NOS3: variants seen among roughly 807,000 people sequenced by gnomAD.
NOS3 encodes NOS type III.
A neutral mutation model predicts 144.9 loss-of-function variants in NOS3; 98 were observed. That is an observed-to-expected ratio of 0.68 (90% CI 0.57 to 0.80). The LOEUF (loss-of-function observed/expected upper bound fraction) is 0.80, where lower values mean the gene tolerates loss of function less well. Ranked by LOEUF, NOS3 falls within the 30% of genes least tolerant of loss-of-function variation. The probability of loss-of-function intolerance (pLI) is 0.00; values close to 1 mark genes in which losing one functional copy is unlikely to be tolerated. For missense variants in NOS3, 1,465 were observed against 1,656.4 expected (o/e 0.88, Z 2.01); for synonymous variants, 714 against 702.4 (o/e 1.02, Z -0.26).
At chr7:151,012,559 G>C (rs1428936124) in intron 24 of NOS3, 87 bp downstream of exon 24, 8 of 1,466,360 alleles carry the variant, frequency 5.5e-6, no homozygotes, top group Non-Finnish European at 7.4e-6. Flanking sequence ...AAATAGGAAA[G>C]AGAGGGCAGG....
chr7:151,009,449 G>A lies in NOS3; in HGVS notation c.2376G>A (p.Gln792=), dbSNP rs778628200. The change falls in exon 20 of 27, where the codon CAG becomes CAA. Residue 792 remains glutamine (Q), a synonymous_variant. Transcript: ENST00000297494. ...ACACCGGAGGCCAGGAGGGGCTGCAGTACCAGCCGGGGGACCACATAGGTG... is the reference window on the plus strand; with the variant it reads ...ACACCGGAGGCCAGGAGGGGCTGCAATACCAGCCGGGGGACCACATAGGTG... ...RLDTGGQEGL[Q]YQPGDHIGVC... is the part of the protein sequence containing the mutation. 1 of 1,548,704 alleles carries A rather than the reference G, an allele frequency of 6.5e-7. No individual in the cohort carries two copies. Among genetic ancestry groups the A allele is most frequent in the African/African-American group, 1.4e-5 (1 of 73,042 alleles).
rs1440237999 is a variant in NOS3 at position 151,001,443 on chromosome 7, C to T, written c.1428+18C>T. The T allele has an allele frequency of 1.9e-6, 3 of 1,587,694 alleles. No individual in the cohort carries two copies. The highest frequency in any genetic ancestry group is 4.5e-5 in the East Asian group (2 of 44,516). On this transcript the variant is annotated intron_variant, in intron 11 of 26. Coordinates refer to ENST00000297494, the MANE Select transcript of NOS3 (RefSeq NM_000603.5). ...GCTACCAGGTGCCCACCCTAACTGG[C>T]TCTGCCAGCCTGGGCCCAGCTCTAA...
rs1220917769 is a variant in NOS3 at position 150,993,981 on chromosome 7, G to A, written c.158+20G>A. 3.9e-6 allele frequency: 6 copies of A among 1,545,604 alleles called. No homozygotes were observed. Among genetic ancestry groups the A allele is most frequent in the Non-Finnish European group, 5.2e-6 (6 of 1,149,688 alleles). On this transcript the variant is annotated intron_variant, in intron 2 of 26. Transcript: ENST00000297494. This position sits in a 1 kb window ranked among gnomAD's most constrained non-coding sequence, Gnocchi z 4.0. ...ACACAGGTAAGGGCCAGGCAGCTAG[G>A]AGCAGGTGGGCAACAAGGGTGGTGT...
chr7:151,004,210 G>A lies in NOS3; in HGVS notation c.1752+1906G>A, dbSNP rs3918179. On this transcript the variant is annotated intron_variant, in intron 14 of 26. Transcript: ENST00000297494. ...AAATTAGCTGGGCATGGTGGCGCACGCCTATAGTCCTAGCTACTCAGGAGG... is the reference window on the plus strand; with the variant it reads ...AAATTAGCTGGGCATGGTGGCGCACACCTATAGTCCTAGCTACTCAGGAGG... 9.7e-3 allele frequency among the ~76,000 whole-genome samples: 1,482 copies of A among 152,246 alleles called. 20 individuals carry two copies. The highest frequency in any genetic ancestry group is 0.034 in the African/African-American group (1,406 of 41,532).
At chr7:151,013,191 C>G in intron 24 of NOS3, 40 bp from the exon 25 acceptor site, 1 of 1,589,524 alleles carries the variant, frequency 6.3e-7, no homozygotes. Flanking sequence ...TAGCACTGTG[C>G]CCCGGAGAAG....
intron 23 of NOS3, among the ~76,000 whole-genome samples, 165 bp downstream of exon 23, chr7:151,011,151 C>T (rs1201482108): frequency 6.6e-6 from 1 of 152,130 alleles, no homozygotes; most frequent in Non-Finnish European, 1.5e-5. Flanking sequence ...TAAGCTTTGG[C>T]TCTCTCATTC....
At position 151,013,395 on chromosome 7, in the gene NOS3, G is replaced by A; in HGVS notation, c.3255+16G>A. The A allele has an allele frequency of 4.4e-6, 7 of 1,605,026 alleles. No individual in the cohort carries two copies. Among genetic ancestry groups the A allele is most frequent in the Non-Finnish European group, 4.3e-6 (5 of 1,174,056 alleles). On this transcript the variant is annotated intron_variant, in intron 25 of 26. Coordinates refer to ENST00000297494, the MANE Select transcript of NOS3 (RefSeq NM_000603.5). ...CAACCCCAAGGTGTGAGACCCTGAG[G>A]GCGCAATGGTAACCTGAAGATAGGG...
chr7:151,013,559 C>A, intron 25 of NOS3, 165 bp from the exon 26 acceptor site: 1 of 1,010,446 alleles, frequency 9.9e-7, no homozygotes, highest in Non-Finnish European at 1.4e-6. Flanking sequence ...TCCTCCCGCC[C>A]CTGCCCCGCC....
intron 20 of NOS3, 89 bp from the exon 21 acceptor site, chr7:151,010,026 C>A: frequency 1.2e-6 from 1 of 848,944 alleles, no homozygotes; most frequent in Non-Finnish European, 1.9e-6. Flanking sequence ...AGGGCAGGCT[C>A]TCTAACAGTC....
Position 150,998,960 on chromosome 7 carries a change from C to T in NOS3, c.831C>T (p.His277=), listed in dbSNP as rs371246886. The change falls in exon 8 of 27, where the codon CAC becomes CAT. Residue 277 remains histidine, a synonymous_variant. Coordinates refer to ENST00000297494, the MANE Select transcript of NOS3 (RefSeq NM_000603.5). The surrounding 1 kb of genome is among the most constrained non-coding windows in gnomAD (Gnocchi z 5.0). ...NVEITELCIQ[H]GWTPGNGRFD... ...ACTCCCCACAGCTCTGCATTCAGCA[C>T]GGCTGGACCCCAGGAAACGGTCGCT... is the stretch of plus-strand genomic sequence containing the variant. The T allele has an allele frequency of 2.0e-5, 32 of 1,612,298 alleles. No individual in the cohort carries two copies. Among genetic ancestry groups the T allele is most frequent in the African/African-American group, 8.0e-5 (6 of 74,870 alleles).
intron 25 of NOS3, 153 bp downstream of exon 25, chr7:151,013,532 G>GC: frequency 8.8e-7 from 1 of 1,140,334 alleles, no homozygotes; most frequent in Non-Finnish European, 1.2e-6. Context: ...TTGTGCCCCG[G>GC]CCCCTCTAGG....
rs376693013 is a variant in NOS3 at position 151,013,696 on chromosome 7, G to A, written c.3256-28G>A. The A allele has an allele frequency of 1.2e-4, 176 of 1,528,276 alleles. 1 individual carries two copies. The East Asian group carries it at 3.5e-3, about 30-fold the overall frequency. 94.7% of individuals were successfully genotyped at this position (1,528,276 alleles called of 1,614,324 possible). ...GCGCCCCCGCGCCCACCCCCACCAG[G>A]GCCCGCCCTAACCCCGCCGCCCCGC... On this transcript the variant is annotated intron_variant, in intron 25 of 26. Coordinates refer to ENST00000297494, the MANE Select transcript of NOS3 (RefSeq NM_000603.5).
At chr7:151,008,771 T>G in intron 17 of NOS3, 159 bp from the exon 18 acceptor site, 3 of 789,750 alleles carry the variant, frequency 3.8e-6, no homozygotes, top group Non-Finnish European at 5.7e-6. Context: ...GGCCAATCCA[T>G]GAAATGGGCT....
chr7:150,998,313 G>C lies in NOS3; in HGVS notation c.583-44G>C, dbSNP rs759884316. 6 of 1,567,262 alleles carry C rather than the reference G, an allele frequency of 3.8e-6. No homozygotes were observed. Among genetic ancestry groups the C allele is most frequent in the African/African-American group, 1.3e-5 (1 of 74,362 alleles). On this transcript the variant is annotated intron_variant, in intron 5 of 26. Coordinates refer to ENST00000297494, the MANE Select transcript of NOS3 (RefSeq NM_000603.5). This position sits in a 1 kb window ranked among gnomAD's most constrained non-coding sequence, Gnocchi z 5.0. Reference sequence around the variant, plus strand: ...CTGGAGCTGATACTCAAGACCCCCCGTCTCTCTCCTCACCCTCCTCTCCCG... The same window carrying C: ...CTGGAGCTGATACTCAAGACCCCCCCTCTCTCTCCTCACCCTCCTCTCCCG...
chr7:151,002,758 A>C lies in NOS3; in HGVS notation c.1752+454A>C, dbSNP rs187676561. 6.9e-4 allele frequency: 137 copies of C among 198,682 alleles called. No individual in the cohort carries two copies. Among genetic ancestry groups the C allele is most frequent in the Non-Finnish European group, 5.3e-4 (51 of 95,712 alleles). 12.3% of individuals were successfully genotyped at this position (198,682 alleles called of 1,614,324 possible). A position where few individuals can be genotyped will look rare whatever the true frequency, so the allele number is the denominator to read the frequency against. On this transcript the variant is annotated intron_variant, in intron 14 of 26. Transcript: ENST00000297494. This position sits in a 1 kb window ranked among gnomAD's most constrained non-coding sequence, Gnocchi z 4.1. Reference sequence around the variant, plus strand: ...TTACACAGGTGTGTTCAGTTTGTAAAAATCCACAGAGCTGTACATTTACAA... The same window carrying C: ...TTACACAGGTGTGTTCAGTTTGTAACAATCCACAGAGCTGTACATTTACAA...
chr7:150,998,465 A>G lies in NOS3; in HGVS notation c.674+17A>G, dbSNP rs1246633964. The G allele has an allele frequency of 4.3e-6, 7 of 1,611,720 alleles. No homozygotes were observed. Among genetic ancestry groups the G allele is most frequent in the Non-Finnish European group, 5.9e-6 (7 of 1,179,566 alleles). On this transcript the variant is annotated intron_variant, in intron 6 of 26. Coordinates refer to ENST00000297494, the MANE Select transcript of NOS3 (RefSeq NM_000603.5). This position sits in a 1 kb window ranked among gnomAD's most constrained non-coding sequence, Gnocchi z 5.0. The stretch of plus-strand genomic sequence containing the variant: ...CAACCTTCGGTGAGTGCCCCCCACC[A>G]TGCCAGGCCCCAGCCTTCTTCCCCA...
rs1795131418 is a variant in NOS3 at position 151,002,467 on chromosome 7, G to C, written c.1752+163G>C. Among the ~76,000 whole-genome samples the C allele has an allele frequency of 6.7e-6, 1 of 148,744 alleles. No homozygotes were observed. Among genetic ancestry groups the C allele is most frequent in the South Asian group, 2.1e-4 (1 of 4,706 alleles). On this transcript the variant is annotated intron_variant, in intron 14 of 26. Coordinates refer to ENST00000297494, the MANE Select transcript of NOS3 (RefSeq NM_000603.5). The surrounding 1 kb of genome is among the most constrained non-coding windows in gnomAD (Gnocchi z 4.1). Reference sequence around the variant, plus strand: ...ACACACACACACGCCAGGATGGAAAGGGAGATGCTAAGAGACCCCTGGAGC... The same window carrying C: ...ACACACACACACGCCAGGATGGAAACGGAGATGCTAAGAGACCCCTGGAGC...
At position 151,010,180 on chromosome 7, in the gene NOS3, A is replaced by G; in HGVS notation, c.2578A>G (p.Thr860Ala). The change falls in exon 21 of 27, where the codon ACC (threonine) becomes GCC (alanine). Residue 860 changes from threonine to alanine, a missense_variant. By Grantham distance (58) the Thr-to-Ala change is moderately conservative. Around this residue, in one of 5 missense-constraint regions of NOS3, gnomAD observed 745 missense variants for 853.9 expected, o/e 0.87. Coordinates refer to ENST00000297494, the MANE Select transcript of NOS3 (RefSeq NM_000603.5). ...LPPCTLRQALTFFLDITSPPS... is the reference protein window; with the variant it reads ...LPPCTLRQALAFFLDITSPPS... ...CCCGTGCACGCTGCGCCAGGCTCTCACCTTCTTCCTGGACATCACCTCCCC... is the reference window on the plus strand; with the variant it reads ...CCCGTGCACGCTGCGCCAGGCTCTCGCCTTCTTCCTGGACATCACCTCCCC... 6.2e-7 allele frequency: 1 copy of G among 1,611,564 alleles called. No homozygotes were observed. The highest frequency in any genetic ancestry group is 8.5e-7 in the Non-Finnish European group (1 of 1,179,558).
intron 14 of NOS3, among the ~76,000 whole-genome samples, chr7:151,006,130 T>G (rs1300530009): frequency 6.6e-6 from 1 of 151,396 alleles, no homozygotes; most frequent in African/African-American, 2.4e-5. Flanking sequence ...CACTTTTACT[T>G]AAAAAAAAAC....
Sources: allele counts gnomAD v4.1 joint callset (sites outside exome capture counted in the v4.1 genomes callset), GRCh38; gene constraint gnomAD v4.1.1; regional missense constraint gnomAD v4.1.1; non-coding constraint Gnocchi (gnomAD v3.1); transcripts MANE v1.5; gene names NCBI Gene and HGNC (gene_info 2026-07-23, HGNC 2026-07-21).